The following TSPAN4 variants were observed in gnomAD, a reference collection of about 807,000 sequenced individuals.
The protein encoded by TSPAN4 is tetraspanin-4.
TSPAN4 carries 38 observed loss-of-function variants against 31.5 expected under a neutral mutation model. The ratio of observed to expected loss-of-function variants is 1.21; its 90% CI spans 0.93 to 1.58. TSPAN4 has a LOEUF of 1.58. Among genes scored for constraint, TSPAN4 ranks in the 40% most tolerant of loss-of-function variants. The probability of loss-of-function intolerance (pLI) is 0.00; values close to 1 mark genes in which losing one functional copy is unlikely to be tolerated. For missense variants in TSPAN4, 330 were observed against 317.3 expected (o/e 1.04, Z -0.30); for synonymous variants, 186 against 144.6 (o/e 1.29, Z -2.06).
intron 3 of TSPAN4, among the ~76,000 whole-genome samples, chr11:861,507 T>C (rs1248849689): frequency 6.6e-6 from 1 of 151,748 alleles, no homozygotes. Context: ...GGTTGGGAGA[T>C]CAAGACCATC....
At chr11:864,626 A>G (rs28377158) in intron 5 of TSPAN4, 115 bp downstream of exon 5, 1,363,916 of 1,366,342 alleles carry the variant, frequency 1, 680,780 homozygotes, top group Non-Finnish European at 1. Flanking sequence ...CCTCACGGGC[A>G]GCCAGGACAG....
chr11:851,687 T>C (rs1847743050), intron 3 of TSPAN4, among the ~76,000 whole-genome samples: 1 of 76,194 alleles, frequency 1.3e-5, no homozygotes, highest in African/African-American at 5.2e-5. Context: ...GAGGTAGGGG[T>C]GGTGGGAGGT....
intron 1 of TSPAN4, chr11:844,183 G>A (rs1241262523): frequency 1.3e-5 from 2 of 152,876 alleles, no homozygotes; most frequent in African/African-American, 4.8e-5. Context: ...TGGTGGCTGT[G>A]GAGGTGAGGG....
intron 5 of TSPAN4, 172 bp from the exon 6 acceptor site, chr11:865,339 CAG>C (rs941840872): frequency 6.6e-6 from 4 of 608,524 alleles, no homozygotes; most frequent in Non-Finnish European, 1.2e-5. Flanking sequence ...CCCTGGGCCT[CAG>C]GGCTGCTGGG....
At chr11:859,309 G>A (rs1366166654) in intron 3 of TSPAN4, among the ~76,000 whole-genome samples, 1 of 42,658 alleles carries the variant, frequency 2.3e-5, no homozygotes, top group Non-Finnish European at 4.2e-5. Flanking sequence ...CGGCTCACAC[G>A]CACCCCCCCT....
chr11:854,334 T>G (rs1847925488), intron 3 of TSPAN4, among the ~76,000 whole-genome samples: 1 of 152,144 alleles, frequency 6.6e-6, no homozygotes. Flanking sequence ...GGGTGGGGGT[T>G]GGAGTCCCAC....
At chr11:866,084 GC>G in intron 8 of TSPAN4, 83 bp downstream of exon 8, 1 of 1,478,806 alleles carries the variant, frequency 6.8e-7, no homozygotes, top group Non-Finnish European at 9.3e-7. Flanking sequence ...CAAAGACCTT[GC>G]CCCCAGGAAC....
chr11:843,920 TG>T (rs1847132749), intron 1 of TSPAN4, among the ~76,000 whole-genome samples: 1 of 151,980 alleles, frequency 6.6e-6, no homozygotes, highest in South Asian at 2.1e-4. Flanking sequence ...GGGTCCGGAG[TG>T]GTGCTAGCCA....
intron 8 of TSPAN4, 27 bp from the exon 9 acceptor site, chr11:866,535 T>C (rs1589802850): frequency 5.0e-6 from 8 of 1,607,820 alleles, no homozygotes; most frequent in Non-Finnish European, 6.8e-6. Flanking sequence ...GGAGCTGCCA[T>C]GCCCAGTCCT....
In TSPAN4 at chr11:862,717, G is replaced by A. The variant is rs766494929; in HGVS notation, c.231G>A (p.Lys77=). Residue 77 remains lysine, a synonymous_variant, in exon 4 of 9, where the codon AAG becomes AAA. Coordinates refer to ENST00000397397, the MANE Select transcript of TSPAN4 (RefSeq NM_003271.5). Reference sequence around the variant, plus strand: ...TCGTGGGCTGCCTGGGTGCCATCAAGGAGAACAAGTGCCTCCTGCTCACTG... The same window carrying A: ...TCGTGGGCTGCCTGGGTGCCATCAAAGAGAACAAGTGCCTCCTGCTCACTG... ...IGFVGCLGAI[K]ENKCLLLTFF... is the part of the protein sequence containing the mutation. The A allele has an allele frequency of 2.5e-6, 4 of 1,604,848 alleles. No homozygotes were observed. The African/African-American group carries it at 4.0e-5, about 16-fold the overall frequency.
chr11:860,955 A>T (rs1052087049), intron 3 of TSPAN4, among the ~76,000 whole-genome samples: 1 of 152,186 alleles, frequency 6.6e-6, no homozygotes, highest in Non-Finnish European at 1.5e-5. Flanking sequence ...CCCACGCTGC[A>T]GACCGGGAGC....
Position 865,752 on chromosome 11 carries a change from G to A in TSPAN4, c.491G>A (p.Arg164Gln), listed in dbSNP as rs751339243. 2.3e-5 allele frequency: 37 copies of A among 1,612,980 alleles called. No homozygotes were observed. The highest frequency in any genetic ancestry group is 1.6e-4 in the Middle Eastern group (1 of 6,084). ...TDWFEVYNAT[R>Q]VPDSCCLEFS... is the part of the protein sequence containing the mutation. ...TGGTTCGAGGTGTACAACGCCACGC[G>A]GGTACCTGACTCCTGCTGCTTGGAG... Residue 164 changes from arginine (R) to glutamine (Q), a missense_variant, in exon 7 of 9, where the codon CGG becomes CAG. Coordinates refer to ENST00000397397, the MANE Select transcript of TSPAN4 (RefSeq NM_003271.5).
chr11:855,517 G>A (rs1243978297), intron 3 of TSPAN4, among the ~76,000 whole-genome samples: 1 of 152,184 alleles, frequency 6.6e-6, no homozygotes, highest in African/African-American at 2.4e-5. Flanking sequence ...CACTGACGAG[G>A]GCTGTTCTGC....
rs1304180503 is a variant in TSPAN4, at chr11:862,581, T to G, written c.95T>G (p.Ile32Ser). ...LGGCGVLGVG[I>S]WLAATQGSFA... Reference sequence around the variant, plus strand: ...GGCTGTGGCGTGCTGGGTGTCGGCATCTGGCTGGCCGCCACACAGGGGAGC... The same window carrying G: ...GGCTGTGGCGTGCTGGGTGTCGGCAGCTGGCTGGCCGCCACACAGGGGAGC... Residue 32 changes from isoleucine (I) to serine (S), a missense_variant, in exon 4 of 9, where the codon ATC (isoleucine) becomes AGC (serine). Ile to Ser is a moderately radical substitution (Grantham distance 142, BLOSUM62 -2). Coordinates refer to ENST00000397397, the MANE Select transcript of TSPAN4 (RefSeq NM_003271.5). 6.2e-7 allele frequency: 1 copy of G among 1,611,480 alleles called. No homozygotes were observed. Among genetic ancestry groups the G allele is most frequent in the South Asian group, 1.1e-5 (1 of 90,934 alleles).
intron 3 of TSPAN4, among the ~76,000 whole-genome samples, chr11:852,464 C>T (rs1034502500): frequency 2.0e-5 from 3 of 152,230 alleles, no homozygotes; most frequent in Non-Finnish European, 2.9e-5. Context: ...ACTGGAGCCC[C>T]GCTGGCTTCA....
At chr11:860,925 A>ACC (rs1299274498) in intron 3 of TSPAN4, among the ~76,000 whole-genome samples, 1 of 152,008 alleles carries the variant, frequency 6.6e-6, no homozygotes, top group African/African-American at 2.4e-5. Context: ...CAGGACGTCT[A>ACC]CCCACCACCC....
chr11:865,815 G>C lies in TSPAN4; in HGVS notation c.554G>C (p.Trp185Ser), dbSNP rs574521535. The change falls in exon 7 of 9, where the codon TGG (tryptophan) becomes TCG (serine). Residue 185 changes from tryptophan (W) to serine (S), a missense_variant. Transcript: ENST00000397397. ...TGTGGGCTGCACGCCCCCGGCACCTGGTGGAAGGCGGTGAGTGAGACCCCC... is the reference window on the plus strand; with the variant it reads ...TGTGGGCTGCACGCCCCCGGCACCTCGTGGAAGGCGGTGAGTGAGACCCCC... ...ESCGLHAPGTWWKAPCYETVK... is the reference protein window; with the variant it reads ...ESCGLHAPGTSWKAPCYETVK... The C allele has an allele frequency of 1.2e-6, 2 of 1,612,228 alleles. No individual in the cohort carries two copies. Among genetic ancestry groups the C allele is most frequent in the Admixed American group, 3.3e-5 (2 of 59,890 alleles).
intron 8 of TSPAN4, 85 bp downstream of exon 8, chr11:866,086 C>A: frequency 6.9e-7 from 1 of 1,441,498 alleles, no homozygotes; most frequent in Non-Finnish European, 9.5e-7. Flanking sequence ...AAGACCTTGC[C>A]CCCAGGAACC....
intron 3 of TSPAN4, among the ~76,000 whole-genome samples, chr11:850,793 A>T (rs575267926): frequency 6.6e-6 from 1 of 152,118 alleles, no homozygotes. Context: ...TGCAGCCGTT[A>T]TCCTTGCCTC....
Sources: allele counts gnomAD v4.1 joint callset (sites outside exome capture counted in the v4.1 genomes callset), GRCh38; gene constraint gnomAD v4.1.1; transcripts MANE v1.5; gene names NCBI Gene and HGNC (gene_info 2026-07-23, HGNC 2026-07-21).